Variants in SH3GL2 observed in about 807,000 individuals in gnomAD.
SH3GL2 encodes endophilin-A1.
In SH3GL2, 24 loss-of-function variants were observed where a neutral mutation model predicts 46.0. That is an observed-to-expected ratio of 0.52 (90% CI 0.38 to 0.73). The LOEUF (loss-of-function observed/expected upper bound fraction) is 0.73, where lower values mean the gene tolerates loss of function less well. SH3GL2 is among the 30% of genes least tolerant of loss of function. The pLI is 0.00. For missense variants in SH3GL2, 413 were observed against 424.2 expected (o/e 0.97, Z 0.23); for synonymous variants, 196 against 147.1 (o/e 1.33, Z -2.40).
intron 1 of SH3GL2, among the ~76,000 whole-genome samples, chr9:17,588,266 G>A (rs1193456280): frequency 6.6e-6 from 1 of 152,178 alleles, no homozygotes; most frequent in Non-Finnish European, 1.5e-5. Flanking sequence ...GAGGAATATG[G>A]TAGACAGAAT....
intron 1 of SH3GL2, among the ~76,000 whole-genome samples, chr9:17,695,893 T>A (rs1221966670): frequency 6.6e-6 from 1 of 152,134 alleles, no homozygotes; most frequent in Non-Finnish European, 1.5e-5. Context: ...AGCTCTGACC[T>A]TAGTAAGTCA....
chr9:17,726,339 G>T (rs1237168012), intron 1 of SH3GL2, among the ~76,000 whole-genome samples: 1 of 152,112 alleles, frequency 6.6e-6, no homozygotes, highest in Non-Finnish European at 1.5e-5. Context: ...TGTGTTCCCT[G>T]TCTCCAGTAA....
intron 1 of SH3GL2, among the ~76,000 whole-genome samples, chr9:17,606,328 T>C (rs1232664950): frequency 2.6e-5 from 4 of 152,160 alleles, no homozygotes; most frequent in African/African-American, 9.7e-5. Context: ...CCTGACCTCA[T>C]GATCCGCCCG....
In SH3GL2 at chr9:17,796,846, C is replaced by T. The variant is rs566639171; in HGVS notation, c.*1103C>T. ...CCCAATTCAGTCGCTACTTTTACTT[C>T]TGCCCTTTCTATCCATCGTCTTCAT... On this transcript the variant is annotated 3_prime_UTR_variant, in exon 9 of 9. Coordinates refer to ENST00000380607, the MANE Select transcript of SH3GL2 (RefSeq NM_003026.5). The T allele has an allele frequency of 6.5e-6, 1 of 152,798 alleles. No individual in the cohort carries two copies. The highest frequency in any genetic ancestry group is 2.1e-4 in the South Asian group (1 of 4,830). 9.5% of individuals were successfully genotyped at this position (152,798 alleles called of 1,614,324 possible).
chr9:17,590,220 C>T (rs1317743205), intron 1 of SH3GL2: 1 of 152,180 alleles, frequency 6.6e-6, no homozygotes, highest in Non-Finnish European at 1.5e-5. Context: ...TTATACCATT[C>T]ATTATTTTAC....
chr9:17,732,216 C>T (rs1037422990), intron 1 of SH3GL2, among the ~76,000 whole-genome samples: 7 of 147,274 alleles, frequency 4.8e-5, no homozygotes, highest in African/African-American at 7.8e-5. Context: ...AGATGGTGAC[C>T]GGAGTTGTTG....
chr9:17,749,275 G>A (rs4961591), intron 2 of SH3GL2, among the ~76,000 whole-genome samples: 104,971 of 152,020 alleles, frequency 0.69, 36,572 homozygotes, highest in East Asian at 0.83. Flanking sequence ...CATCTTCTAC[G>A]GCATCTGAGA....
At chr9:17,588,553 T>C (rs1374039699) in intron 1 of SH3GL2, among the ~76,000 whole-genome samples, 1 of 152,144 alleles carries the variant, frequency 6.6e-6, no homozygotes, top group Non-Finnish European at 1.5e-5. Flanking sequence ...TGAGTAGTAA[T>C]GCAGGCAGCC....
chr9:17,722,945 A>C (rs1821931949), intron 1 of SH3GL2, among the ~76,000 whole-genome samples: 1 of 152,064 alleles, frequency 6.6e-6, no homozygotes, highest in Non-Finnish European at 1.5e-5. Context: ...CCTTTCTCTC[A>C]CAGATGCCTT....
At chr9:17,706,716 A>C (rs527536056) in intron 1 of SH3GL2, among the ~76,000 whole-genome samples, 1 of 152,002 alleles carries the variant, frequency 6.6e-6, no homozygotes, top group Admixed American at 6.6e-5. Flanking sequence ...GGCTTTAGAC[A>C]TCTTATAGGT....
intron 3 of SH3GL2, among the ~76,000 whole-genome samples, chr9:17,778,196 T>C (rs1823698348): frequency 6.6e-6 from 1 of 152,182 alleles, no homozygotes; most frequent in African/African-American, 2.4e-5. Flanking sequence ...CAAGGTAGCT[T>C]TGATTTTCTC....
intron 1 of SH3GL2, among the ~76,000 whole-genome samples, chr9:17,728,664 C>G (rs573507324): frequency 3.9e-5 from 6 of 152,102 alleles, no homozygotes; most frequent in African/African-American, 1.4e-4. Context: ...TGTGATGTTC[C>G]CCTTCCTGTG....
At chr9:17,606,371 G>A (rs574178031) in intron 1 of SH3GL2, among the ~76,000 whole-genome samples, 10 of 152,216 alleles carry the variant, frequency 6.6e-5, no homozygotes, top group Admixed American at 2.0e-4. Context: ...GATTACAGGC[G>A]TAAGCCACCA....
At chr9:17,581,954 T>A (rs1027554246) in intron 1 of SH3GL2, among the ~76,000 whole-genome samples, 3 of 152,124 alleles carry the variant, frequency 2.0e-5, no homozygotes, top group African/African-American at 4.8e-5. Flanking sequence ...CCGCCTCGAT[T>A]ACAGGCTGAG....
At position 17,761,487 on chromosome 9, in the gene SH3GL2, T is replaced by A. The variant is rs1464145082; in HGVS notation, c.165T>A (p.Ile55=). 15 of 1,602,202 alleles carry A rather than the reference T, an allele frequency of 9.4e-6. No homozygotes were observed. Among genetic ancestry groups the A allele is most frequent in the African/African-American group, 1.3e-5 (1 of 74,700 alleles). The change falls in exon 3 of 9, where the codon ATT becomes ATA. Residue 55 remains isoleucine (I), a synonymous_variant. Coordinates refer to ENST00000380607, the MANE Select transcript of SH3GL2 (RefSeq NM_003026.5). ...RAVMEIMTKT[I]EYLQPNPASR... ...TGATGGAAATAATGACTAAAACAAT[T>A]GAATACCTTCAACCCAATCCAGGTA...
At chr9:17,731,668 A>G (rs1205089373) in intron 1 of SH3GL2, among the ~76,000 whole-genome samples, 2 of 152,162 alleles carry the variant, frequency 1.3e-5, no homozygotes, top group Non-Finnish European at 2.9e-5. Context: ...GGTCTCTGGT[A>G]TTTTGTTATG....
intron 1 of SH3GL2, chr9:17,735,802 A>C: frequency 1.1e-6 from 1 of 918,070 alleles, no homozygotes; most frequent in Non-Finnish European, 1.3e-6. Flanking sequence ...AGAAGGGCTT[A>C]AGTTAGCAGG....
intron 1 of SH3GL2, among the ~76,000 whole-genome samples, chr9:17,662,441 A>G (rs963218297): frequency 6.6e-6 from 1 of 152,162 alleles, no homozygotes; most frequent in African/African-American, 2.4e-5. Flanking sequence ...TGTCATCATT[A>G]GCTTTCCGGG....
intron 3 of SH3GL2, among the ~76,000 whole-genome samples, chr9:17,770,535 T>C (rs1463560431): frequency 6.6e-6 from 1 of 152,164 alleles, no homozygotes; most frequent in Non-Finnish European, 1.5e-5. Flanking sequence ...TGTGACTTGC[T>C]GCTAACCAAT....
Sources: gnomAD v4.1 joint callset for allele counts (sites outside exome capture counted in the v4.1 genomes callset) on GRCh38, gnomAD v4.1.1 for gene constraint, MANE v1.5 for transcripts, NCBI Gene and HGNC (gene_info 2026-07-23, HGNC 2026-07-21) for gene names.